The following EIPR1 variants were observed in gnomAD, a reference collection of about 807,000 sequenced individuals.
EIPR1 encodes EARP and GARP complex-interacting protein 1.
EIPR1 carries 25 observed loss-of-function variants against 48.1 expected under a neutral mutation model. The observed-to-expected ratio is 0.52, with a 90% CI of 0.38 to 0.73. The LOEUF is 0.73. Among genes scored for constraint, EIPR1 ranks in the 30% least tolerant of loss-of-function variants. The pLI is 0.00. For missense variants in EIPR1, 415 were observed against 506.2 expected (o/e 0.82, Z 1.73); for synonymous variants, 204 against 201.9 (o/e 1.01, Z -0.09).
At chr2:3,259,288 C>T (rs1201924384) in intron 3 of EIPR1, among the ~76,000 whole-genome samples, 1 of 48,856 alleles carries the variant, frequency 2.0e-5, no homozygotes, top group East Asian at 3.0e-4. Context: ...GGCAGACACT[C>T]CCCCCCACAT....
chr2:3,270,669 A>T (rs1667677507), intron 3 of EIPR1, among the ~76,000 whole-genome samples: 1 of 152,248 alleles, frequency 6.6e-6, no homozygotes. Flanking sequence ...TCTTGATTTT[A>T]AAATACTTTA....
chr2:3,274,650 A>T (rs1558266557), intron 3 of EIPR1, among the ~76,000 whole-genome samples: 1 of 152,146 alleles, frequency 6.6e-6, no homozygotes, highest in Non-Finnish European at 1.5e-5. Flanking sequence ...AAAAAAAAAA[A>T]TTAAGCGAAA....
chr2:3,336,898 G>GGAAGA (rs1441844465), intron 3 of EIPR1, among the ~76,000 whole-genome samples: 1 of 67,292 alleles, frequency 1.5e-5, no homozygotes, highest in Non-Finnish European at 2.9e-5. Context: ...GGAAGGGAAG[G>GGAAGA]GAAAAGGGAA....
At chr2:3,316,382 T>G (rs1414547486) in intron 3 of EIPR1, among the ~76,000 whole-genome samples, 3 of 152,202 alleles carry the variant, frequency 2.0e-5, no homozygotes, top group Non-Finnish European at 2.9e-5. Context: ...AAAGCCACTG[T>G]GGCACACCAG....
At chr2:3,203,693 C>T (rs1199550853) in intron 5 of EIPR1, among the ~76,000 whole-genome samples, 1 of 152,244 alleles carries the variant, frequency 6.6e-6, no homozygotes, top group Non-Finnish European at 1.5e-5. Flanking sequence ...GGAGTCCCTG[C>T]CCCAGAGCGG....
chr2:3,275,539 C>A (rs1667822256), intron 3 of EIPR1, among the ~76,000 whole-genome samples: 1 of 151,956 alleles, frequency 6.6e-6, no homozygotes, highest in Non-Finnish European at 1.5e-5. Flanking sequence ...GTAAATGCAA[C>A]ATAAAAATTA....
At chr2:3,336,421 T>C (rs1452600298) in intron 3 of EIPR1, among the ~76,000 whole-genome samples, 2 of 152,090 alleles carry the variant, frequency 1.3e-5, no homozygotes, top group Non-Finnish European at 2.9e-5. Context: ...CATGCTGCCC[T>C]CCATGTGGAA....
chr2:3,284,181 G>A (rs1312023071), intron 3 of EIPR1, among the ~76,000 whole-genome samples: 5 of 148,426 alleles, frequency 3.4e-5, no homozygotes, highest in African/African-American at 7.5e-5. Flanking sequence ...GCCGTGCCAC[G>A]GCTGCACGTA....
chr2:3,280,263 C>T (rs976526755), intron 3 of EIPR1, among the ~76,000 whole-genome samples: 1 of 152,228 alleles, frequency 6.6e-6, no homozygotes, highest in African/African-American at 2.4e-5. Flanking sequence ...TGGTGGTTAC[C>T]CACAGCTACA....
At chr2:3,201,793 T>C (rs935690895) in intron 5 of EIPR1, among the ~76,000 whole-genome samples, 4 of 152,294 alleles carry the variant, frequency 2.6e-5, no homozygotes, top group South Asian at 2.1e-4. Flanking sequence ...AAGAGAAGAA[T>C]TGGTAGCAAC....
At chr2:3,308,109 T>C (rs1218713657) in intron 3 of EIPR1, among the ~76,000 whole-genome samples, 2 of 152,150 alleles carry the variant, frequency 1.3e-5, no homozygotes, top group East Asian at 3.9e-4. Flanking sequence ...CCTCAGAGAA[T>C]GAGGCCCACT....
intron 3 of EIPR1, among the ~76,000 whole-genome samples, chr2:3,337,123 A>AAAGGGAAGGGAACAGGG: frequency 2.1e-5 from 3 of 142,654 alleles, no homozygotes; most frequent in South Asian, 2.5e-4. Flanking sequence ...GGAAAAGGGA[A>AAAGGGAAGGGAACAGGG]AAGGGAAGGG....
intron 3 of EIPR1, among the ~76,000 whole-genome samples, chr2:3,269,605 A>AT (rs1558263730): frequency 0.02 from 2,295 of 112,532 alleles, 160 homozygotes; most frequent in Non-Finnish European, 0.026. Context: ...ACTCAATCGC[A>AT]CTCAATCATC....
At chr2:3,368,128 C>T (rs767446712) in intron 1 of EIPR1, among the ~76,000 whole-genome samples, 2 of 152,178 alleles carry the variant, frequency 1.3e-5, no homozygotes, top group South Asian at 4.1e-4. Flanking sequence ...GACCCTGAAG[C>T]GCTGGCCTGG....
In EIPR1 at chr2:3,223,837, C is replaced by T. The variant is rs1451740240; in HGVS notation, c.417-9589G>A. ...CCTGTGGACAAAGCCAGAACCAATT[C>T]GTCCAGTGGACTCCCCAGCTCCGAC... On this transcript the variant is annotated intron_variant, in intron 4 of 8. Coordinates refer to ENST00000382125, the MANE Select transcript of EIPR1 (RefSeq NM_003310.5). Among the ~76,000 whole-genome samples the T allele has an allele frequency of 4.6e-5, 7 of 152,198 alleles. No individual in the cohort carries two copies. In the South Asian group the frequency reaches 6.2e-4, roughly 14 times the overall value.
intron 4 of EIPR1, among the ~76,000 whole-genome samples, chr2:3,218,406 T>C (rs544717401): frequency 6.7e-6 from 1 of 149,096 alleles, no homozygotes; most frequent in Admixed American, 6.6e-5. Flanking sequence ...TGATACGCTC[T>C]AGAGCATTCA....
chr2:3,312,730 C>T lies in EIPR1; in HGVS notation c.259+25287G>A, dbSNP rs1336984262. Among the ~76,000 whole-genome samples, 1 of 152,132 alleles carries T rather than the reference C, an allele frequency of 6.6e-6. No homozygotes were observed. The highest frequency in any genetic ancestry group is 1.5e-5 in the Non-Finnish European group (1 of 68,042). ...TCAACGAGATCTTTGGTGCCCCAGG[C>T]TTGAGAAGGTTCTTGATGGTTACGT... is the stretch of plus-strand genomic sequence containing the variant. On this transcript the variant is annotated intron_variant, in intron 3 of 8. Transcript: ENST00000382125. The surrounding 1 kb of genome is among the most constrained non-coding windows in gnomAD (Gnocchi z 5.5).
chr2:3,212,954 G>A (rs1166249523), intron 5 of EIPR1, among the ~76,000 whole-genome samples: 1 of 152,178 alleles, frequency 6.6e-6, no homozygotes, highest in Non-Finnish European at 1.5e-5. Context: ...AGCTTTAACA[G>A]GAAACTTAAT....
At chr2:3,280,588 G>A (rs1252154453) in intron 3 of EIPR1, among the ~76,000 whole-genome samples, 3 of 152,214 alleles carry the variant, frequency 2.0e-5, no homozygotes, top group African/African-American at 7.2e-5. Context: ...GCTCAAGGCT[G>A]CGAGCAAACG....
Sources: gnomAD v4.1 joint callset for allele counts (sites outside exome capture counted in the v4.1 genomes callset) on GRCh38, gnomAD v4.1.1 for gene constraint, Gnocchi (gnomAD v3.1) non-coding constraint, MANE v1.5 for transcripts, NCBI Gene and HGNC (gene_info 2026-07-23, HGNC 2026-07-21) for gene names.